Variants in LPA observed in about 807,000 individuals in gnomAD.
LPA encodes apolipoprotein(a).
LPA carries 199 observed loss-of-function variants against 197.9 expected under a neutral mutation model. That is an observed-to-expected ratio of 1.01 (90% CI 0.90 to 1.13). LPA has a LOEUF of 1.13. Ranked by LOEUF, LPA falls within the 50% of genes most tolerant of loss-of-function variation. The probability of loss-of-function intolerance (pLI) is 0.00; values close to 1 mark genes in which losing one functional copy is unlikely to be tolerated. For missense variants in LPA, 1,853 were observed against 1,785.8 expected, an observed-to-expected ratio of 1.04 and a Z score of -0.68; for synonymous variants, 715 against 639.5, an observed-to-expected ratio of 1.12 and a Z score of -1.78.
chr6:160,543,538 A>G (rs760948245), intron 33 of LPA, among the ~76,000 whole-genome samples: 135 of 152,234 alleles, frequency 8.9e-4, no homozygotes, highest in Non-Finnish European at 1.3e-3. Flanking sequence ...TGAGTTTTCC[A>G]AATAACTTTT....
intron 37 of LPA, among the ~76,000 whole-genome samples, chr6:160,535,797 A>G (rs1777886090): frequency 6.6e-6 from 1 of 152,110 alleles, no homozygotes; most frequent in African/African-American, 2.4e-5. Flanking sequence ...GCGGAGGCTA[A>G]AAGAGATTAA....
rs1051480775 is a variant in LPA at position 160,599,633 on chromosome 6, G to C, written c.3154C>G (p.Gln1052Glu). The C allele has an allele frequency of 1.7e-5, 27 of 1,613,938 alleles. No homozygotes were observed. Among genetic ancestry groups the C allele is most frequent in the Non-Finnish European group, 2.3e-5 (27 of 1,179,976 alleles). Residue 1052 changes from glutamine to glutamate, a missense_variant, in exon 20 of 39, where the codon CAG becomes GAG. Physicochemically the swap from Gln to Glu is conservative, Grantham distance 29 (BLOSUM62 2). Transcript: ENST00000316300. ...TGTCCATAATGGTAGTAGCAGTCCTGTACCCCGGGGGTTTCCTCAGTCAGT... is the reference window on the plus strand; with the variant it reads ...TGTCCATAATGGTAGTAGCAGTCCTCTACCCCGGGGGTTTCCTCAGTCAGT... ...QALTEETPGV[Q>E]DCYYHYGQSY... is the part of the protein sequence containing the mutation.
At chr6:160,576,413 TATGG>T (rs1778678053) in intron 28 of LPA, among the ~76,000 whole-genome samples, 5 of 47,628 alleles carry the variant, frequency 1.0e-4, no homozygotes, top group Non-Finnish European at 1.4e-4. Context: ...TATATATATA[TATGG>T]GTATATATAT....
At chr6:160,547,521 C>A (rs1407686024) in intron 32 of LPA, among the ~76,000 whole-genome samples, 1 of 152,134 alleles carries the variant, frequency 6.6e-6, no homozygotes, top group Non-Finnish European at 1.5e-5. Context: ...AGTACCAGTA[C>A]TGGAGTGGGG....
At chr6:160,565,908 C>A (rs550622552) in intron 28 of LPA, among the ~76,000 whole-genome samples, 1 of 152,000 alleles carries the variant, frequency 6.6e-6, no homozygotes, top group Non-Finnish European at 1.5e-5. Flanking sequence ...TTGATTCAAT[C>A]AAGTGGAAGA....
At chr6:160,650,605 C>A (rs981948006) in intron 1 of LPA, 108 bp from the exon 2 acceptor site, 9 of 1,092,560 alleles carry the variant, frequency 8.2e-6, no homozygotes, top group Non-Finnish European at 1.3e-5. Flanking sequence ...TACGACCATT[C>A]TCTTCTCTTG....
At chr6:160,652,249 A>G (rs2115101144) in intron 1 of LPA, among the ~76,000 whole-genome samples, 1 of 152,226 alleles carries the variant, frequency 6.6e-6, no homozygotes, top group East Asian at 1.9e-4. Context: ...AGTTAATAAT[A>G]AACAAATTAT....
chr6:160,658,529 T>C (rs1038371795), intron 1 of LPA, among the ~76,000 whole-genome samples: 2 of 152,180 alleles, frequency 1.3e-5, no homozygotes, highest in African/African-American at 4.8e-5. Context: ...TTAGGAGCAA[T>C]CAACCAACTT....
Position 160,557,426 on chromosome 6 carries a change from C to A in LPA, c.4777G>T (p.Val1593Phe), listed in dbSNP as rs1426609761. The A allele has an allele frequency of 6.2e-7, 1 of 1,614,112 alleles. No homozygotes were observed. Among genetic ancestry groups the A allele is most frequent in the African/African-American group, 1.3e-5 (1 of 75,014 alleles). Residue 1593 changes from valine to phenylalanine, a missense_variant, in exon 29 of 39, where the codon GTT (valine) becomes TTT (phenylalanine). This residue lies in a region of LPA where 1,737 missense variants were observed against 1,504.4 expected (regional missense o/e 1.15). Transcript: ENST00000316300. ...ESGVLETPTV[V>F]PVPSMEAHSE... ...TGAGCCTCCATGCTTGGAACTGGAA[C>A]AACAGTGGGAGTCTCTAGGACACCT...
At chr6:160,597,640 CT>C (rs548194250) in intron 20 of LPA, among the ~76,000 whole-genome samples, 10 of 152,156 alleles carry the variant, frequency 6.6e-5, no homozygotes, top group Non-Finnish European at 1.5e-5. Flanking sequence ...TGATTTGACT[CT>C]TTTATCCTTT....
At chr6:160,596,609 A>C (rs954989597) in intron 20 of LPA, among the ~76,000 whole-genome samples, 1 of 152,122 alleles carries the variant, frequency 6.6e-6, no homozygotes, top group African/African-American at 2.4e-5. Context: ...ATTACATATT[A>C]TGTAACTGCT....
intron 30 of LPA, among the ~76,000 whole-genome samples, chr6:160,555,711 G>C (rs1041380062): frequency 8.5e-5 from 13 of 152,086 alleles, no homozygotes; most frequent in Admixed American, 3.3e-4. Context: ...GGGTGAAAGA[G>C]TGCATTGATC....
At chr6:160,550,395 A>G (rs1168360420) in intron 30 of LPA, among the ~76,000 whole-genome samples, 1 of 152,158 alleles carries the variant, frequency 6.6e-6, no homozygotes, top group East Asian at 1.9e-4. Context: ...GGAATGCAAC[A>G]TTGTCTCTGT....
intron 1 of LPA, among the ~76,000 whole-genome samples, chr6:160,653,556 A>G (rs879502599): frequency 1.8e-4 from 28 of 151,706 alleles, no homozygotes; most frequent in Non-Finnish European, 3.5e-4. Flanking sequence ...CACCAGAAAA[A>G]CCCCTGGACC....
At chr6:160,594,533 A>G (rs1779093212) in intron 21 of LPA, among the ~76,000 whole-genome samples, 1 of 152,198 alleles carries the variant, frequency 6.6e-6, no homozygotes, top group African/African-American at 2.4e-5. Flanking sequence ...TAGACTGCTG[A>G]TCCTCCAAAG....
intron 22 of LPA, among the ~76,000 whole-genome samples, chr6:160,593,608 T>C (rs1479111662): frequency 1.3e-5 from 2 of 152,218 alleles, no homozygotes; most frequent in African/African-American, 4.8e-5. Flanking sequence ...ACTTCAGGAC[T>C]TGGAGATTAG....
intron 28 of LPA, among the ~76,000 whole-genome samples, chr6:160,572,408 G>A (rs551622317): frequency 1.3e-5 from 2 of 152,164 alleles, no homozygotes; most frequent in South Asian, 2.1e-4. Context: ...GAAATGTGAG[G>A]TGCCACTGCA....
At chr6:160,553,935 C>CTGTGTGTGTGTGTGTGTGTGTG (rs1294838247) in intron 30 of LPA, among the ~76,000 whole-genome samples, 1 of 70,866 alleles carries the variant, frequency 1.4e-5, no homozygotes, top group South Asian at 4.4e-4. Flanking sequence ...CTCTCTCTCT[C>CTGTGTGTGTGTGTGTGTGTGTG]TCTGTGTGTG....
At chr6:160,577,048 T>C (rs1778696951) in intron 28 of LPA, 88 bp downstream of exon 28, 2 of 1,518,024 alleles carry the variant, frequency 1.3e-6, no homozygotes, top group South Asian at 2.3e-5. Flanking sequence ...GAGAAATTTG[T>C]CCCTAGGAAG....
Sources: gnomAD v4.1 joint callset for allele counts (sites outside exome capture counted in the v4.1 genomes callset) on GRCh38, gnomAD v4.1.1 for gene constraint, gnomAD v4.1.1 regional missense constraint, MANE v1.5 for transcripts, NCBI Gene and HGNC (gene_info 2026-07-23, HGNC 2026-07-21) for gene names.